Variants in TENM3 observed in about 807,000 individuals in gnomAD.
The protein encoded by TENM3 is teneurin-3.
TENM3 carries 63 observed loss-of-function variants against 255.1 expected under a neutral mutation model. That is an observed-to-expected ratio of 0.25 (90% CI 0.20 to 0.30). The LOEUF (loss-of-function observed/expected upper bound fraction) is 0.30, where lower values mean the gene tolerates loss of function less well. Ranked by LOEUF, TENM3 falls within the 10% of genes least tolerant of loss-of-function variation. The pLI is 1.00. For synonymous variants in TENM3, 1,306 were observed against 1,322.3 expected (o/e 0.99, Z 0.27); for missense variants, 2,929 against 3,461.1 (o/e 0.85, Z 3.86).
At chr4:182,097,036 G>A in the TENM3 span, among the ~76,000 whole-genome samples, 1 of 152,120 alleles carries the variant, frequency 6.6e-6, no homozygotes, top group South Asian at 2.1e-4. Flanking sequence ...CAAAGTGAGG[G>A]TTATAGTTAC....
the TENM3 span, among the ~76,000 whole-genome samples, chr4:181,451,897 G>A: frequency 2.6e-5 from 4 of 152,176 alleles, no homozygotes; most frequent in Admixed American, 1.3e-4. Context: ...ATTGCTCAAA[G>A]AGAGAACATA....
chr4:181,544,408 TAAAAAAAAAAAAA>T, the TENM3 span, among the ~76,000 whole-genome samples: 2 of 68,674 alleles, frequency 2.9e-5, no homozygotes, highest in Admixed American at 4.8e-4. Flanking sequence ...CCTTCAGGAT[TAAAAAAAAAAAAA>T]AAAAAAAAAA....
At chr4:181,668,760 A>G in the TENM3 span, among the ~76,000 whole-genome samples, 1 of 152,028 alleles carries the variant, frequency 6.6e-6, no homozygotes, top group African/African-American at 2.4e-5. Flanking sequence ...GAGTAACACA[A>G]TCCAACCCAC....
intron 3 of TENM3, among the ~76,000 whole-genome samples, chr4:182,428,516 G>C (rs1278697986): frequency 6.6e-6 from 1 of 151,354 alleles, no homozygotes; most frequent in Non-Finnish European, 1.5e-5. Context: ...CTAGTATAGA[G>C]CCAGATCATT....
the TENM3 span, among the ~76,000 whole-genome samples, chr4:181,635,861 G>A: frequency 6.6e-6 from 1 of 152,168 alleles, no homozygotes; most frequent in African/African-American, 2.4e-5. Flanking sequence ...CAAATCAAGA[G>A]AGGAGGCCAC....
the TENM3 span, among the ~76,000 whole-genome samples, chr4:181,681,283 G>GT: frequency 4.6e-5 from 7 of 151,542 alleles, no homozygotes; most frequent in East Asian, 2.0e-4. Context: ...TTCCATTTCA[G>GT]TTTTTTTTCG....
At chr4:181,768,728 A>C in the TENM3 span, among the ~76,000 whole-genome samples, 1 of 152,216 alleles carries the variant, frequency 6.6e-6, no homozygotes, top group Admixed American at 6.5e-5. Context: ...TTCCTATCAA[A>C]GACACAAATA....
chr4:181,508,892 CTTTTTTTTT>C, the TENM3 span, among the ~76,000 whole-genome samples: 8 of 53,814 alleles, frequency 1.5e-4, no homozygotes, highest in African/African-American at 3.2e-4. Flanking sequence ...ATTTCCAACA[CTTTTTTTTT>C]TTTTTTTTTT....
intron 3 of TENM3, among the ~76,000 whole-genome samples, chr4:182,588,811 G>C (rs201666535): frequency 6.6e-6 from 1 of 152,158 alleles, no homozygotes; most frequent in East Asian, 1.9e-4. Context: ...TGGTTGACAA[G>C]ATAAACTACT....
the TENM3 span, among the ~76,000 whole-genome samples, chr4:181,867,560 A>G: frequency 2.6e-5 from 4 of 152,208 alleles, no homozygotes; most frequent in Admixed American, 2.6e-4. Flanking sequence ...AAGTTTTACA[A>G]TAGACAGCTA....
chr4:181,529,980 G>A, the TENM3 span, among the ~76,000 whole-genome samples: 1 of 152,088 alleles, frequency 6.6e-6, no homozygotes, highest in African/African-American at 2.4e-5. Flanking sequence ...AGTAAGAATA[G>A]GACACATACA....
the TENM3 span, among the ~76,000 whole-genome samples, chr4:181,883,126 C>CTT: frequency 1.3e-4 from 14 of 106,728 alleles, no homozygotes; most frequent in East Asian, 1.4e-3. Flanking sequence ...TGCAATTAAT[C>CTT]TTTTTTTTTT....
At chr4:182,043,820 CG>C in the TENM3 span, among the ~76,000 whole-genome samples, 20 of 152,094 alleles carry the variant, frequency 1.3e-4, no homozygotes, top group Non-Finnish European at 2.4e-4. Flanking sequence ...AGCCCATTGG[CG>C]ATGAGATTCC....
At chr4:182,534,249 G>A (rs1264298630) in intron 3 of TENM3, among the ~76,000 whole-genome samples, 2 of 152,188 alleles carry the variant, frequency 1.3e-5, no homozygotes, top group South Asian at 2.1e-4. Flanking sequence ...AGAATGGAAG[G>A]AGTCAGGGTT....
At chr4:181,543,370 A>C in the TENM3 span, among the ~76,000 whole-genome samples, 9 of 152,136 alleles carry the variant, frequency 5.9e-5, no homozygotes, top group Admixed American at 1.3e-4. Flanking sequence ...GAGTAGGAGG[A>C]GAAGATACAG....
chr4:181,673,565 C>T, the TENM3 span, among the ~76,000 whole-genome samples: 2 of 151,964 alleles, frequency 1.3e-5, no homozygotes, highest in Non-Finnish European at 2.9e-5. Flanking sequence ...GCAATTGCAA[C>T]GAAGTCAGTT....
chr4:181,664,779 G>A, the TENM3 span, among the ~76,000 whole-genome samples: 1 of 152,076 alleles, frequency 6.6e-6, no homozygotes. Context: ...CTACTCTTTG[G>A]GCTGTGCAAG....
chr4:182,658,018 C>T (rs1753898176), intron 6 of TENM3, among the ~76,000 whole-genome samples: 2 of 152,140 alleles, frequency 1.3e-5, no homozygotes, highest in Non-Finnish European at 2.9e-5. Context: ...CTTCTGTTTA[C>T]CCCCTTACAG....
the TENM3 span, among the ~76,000 whole-genome samples, chr4:181,590,097 T>C: frequency 6.6e-6 from 1 of 152,190 alleles, no homozygotes; most frequent in Non-Finnish European, 1.5e-5. Context: ...CTTTGAAGTA[T>C]AAAGAGATCA....
Sources: allele counts gnomAD v4.1 joint callset (sites outside exome capture counted in the v4.1 genomes callset), GRCh38; gene constraint gnomAD v4.1.1; transcripts MANE v1.5; gene names NCBI Gene and HGNC (gene_info 2026-07-23, HGNC 2026-07-21).